The following LSAMP variants were observed in gnomAD, a reference collection of about 807,000 sequenced individuals.
The protein encoded by LSAMP is limbic system associated membrane protein, also known as limbic system-associated membrane protein.
A neutral mutation model predicts 38.6 loss-of-function variants in LSAMP; 7 were observed. The ratio of observed to expected loss-of-function variants is 0.18; its 90% CI spans 0.10 to 0.34. The LOEUF is 0.34. Ranked by LOEUF, LSAMP falls within the 10% of genes least tolerant of loss-of-function variation. The pLI is 1.00. For missense variants in LSAMP, 313 were observed against 420.0 expected (o/e 0.75, Z 2.23); for synonymous variants, 154 against 166.8 (o/e 0.92, Z 0.59).
At chr3:116,255,014 G>C (rs561474883) in intron 1 of LSAMP, among the ~76,000 whole-genome samples, 1 of 152,162 alleles carries the variant, frequency 6.6e-6, no homozygotes, top group Admixed American at 6.5e-5. Flanking sequence ...TTTGCTCTTT[G>C]GTCTTAATAT....
intron 1 of LSAMP, among the ~76,000 whole-genome samples, chr3:116,110,430 T>G (rs1708578981): frequency 6.6e-6 from 1 of 152,152 alleles, no homozygotes; most frequent in Admixed American, 6.5e-5. Flanking sequence ...GAGGCTTCCC[T>G]GCATTGATTA....
intron 1 of LSAMP, among the ~76,000 whole-genome samples, chr3:116,336,437 A>G (rs1056260757): frequency 6.6e-6 from 1 of 152,060 alleles, no homozygotes; most frequent in African/African-American, 2.4e-5. Context: ...CTTGATTCAA[A>G]AATGGGCAAC....
At chr3:116,382,703 G>A (rs1051874326) in intron 1 of LSAMP, among the ~76,000 whole-genome samples, 4 of 152,028 alleles carry the variant, frequency 2.6e-5, no homozygotes, top group African/African-American at 4.8e-5. Context: ...GGAGAAGTTT[G>A]CTGACCTCTG....
intron 1 of LSAMP, among the ~76,000 whole-genome samples, chr3:116,193,234 C>T (rs773941913): frequency 4.5e-4 from 68 of 152,156 alleles, no homozygotes; most frequent in Non-Finnish European, 8.7e-4. Flanking sequence ...GATAGTAAGG[C>T]GTCTTTTATC....
intron 6 of LSAMP, among the ~76,000 whole-genome samples, chr3:115,831,113 C>G (rs974254733): frequency 6.6e-6 from 1 of 152,114 alleles, no homozygotes; most frequent in Non-Finnish European, 1.5e-5. Flanking sequence ...TGCATTTTAT[C>G]AATGGAAAAA....
chr3:116,051,457 T>C (rs898528842), intron 2 of LSAMP, among the ~76,000 whole-genome samples: 2 of 152,190 alleles, frequency 1.3e-5, no homozygotes, highest in Non-Finnish European at 2.9e-5. Flanking sequence ...CATTCTCTCC[T>C]CCAAATGATT....
intron 3 of LSAMP, among the ~76,000 whole-genome samples, chr3:115,895,402 AG>A (rs1936703955): frequency 6.6e-6 from 1 of 152,090 alleles, no homozygotes; most frequent in Non-Finnish European, 1.5e-5. Flanking sequence ...ATTGGGAGCA[AG>A]GGTCTCCACA....
chr3:115,991,146 GA>G (rs1491239743), intron 3 of LSAMP, among the ~76,000 whole-genome samples: 1 of 151,724 alleles, frequency 6.6e-6, no homozygotes, highest in Non-Finnish European at 1.5e-5. Context: ...TACTTCCTTG[GA>G]AAAAAAGAAG....
intron 1 of LSAMP, among the ~76,000 whole-genome samples, chr3:116,380,495 G>A (rs981572142): frequency 2.6e-5 from 4 of 151,380 alleles, no homozygotes; most frequent in Non-Finnish European, 4.4e-5. Flanking sequence ...ACCCATTGTT[G>A]CCTGCCCACT....
At chr3:116,406,745 T>C (rs1309563626) in intron 1 of LSAMP, among the ~76,000 whole-genome samples, 1 of 151,656 alleles carries the variant, frequency 6.6e-6, no homozygotes, top group Non-Finnish European at 1.5e-5. Flanking sequence ...TAATAACAAG[T>C]AAAAACTAAA....
chr3:115,885,805 C>G (rs1936438805), intron 3 of LSAMP, among the ~76,000 whole-genome samples: 1 of 151,806 alleles, frequency 6.6e-6, no homozygotes, highest in African/African-American at 2.4e-5. Context: ...GGATCTGAAA[C>G]AGTACCACGG....
intron 2 of LSAMP, among the ~76,000 whole-genome samples, chr3:116,030,439 A>G (rs1940892592): frequency 6.6e-6 from 1 of 152,168 alleles, no homozygotes; most frequent in Admixed American, 6.6e-5. Context: ...GAAATCTCAT[A>G]TTCCCAGACT....
intron 3 of LSAMP, among the ~76,000 whole-genome samples, chr3:115,951,093 A>G (rs1347616203): frequency 6.6e-6 from 1 of 152,188 alleles, no homozygotes; most frequent in Non-Finnish European, 1.5e-5. Flanking sequence ...GAAACTGGAT[A>G]CTAATTTCTT....
At chr3:116,259,208 T>G (rs1253599568) in intron 1 of LSAMP, among the ~76,000 whole-genome samples, 1 of 152,150 alleles carries the variant, frequency 6.6e-6, no homozygotes, top group Admixed American at 6.6e-5. Flanking sequence ...ATGTCAGACT[T>G]AAAATGCCAA....
At chr3:116,421,543 T>A (rs199980652) in intron 1 of LSAMP, among the ~76,000 whole-genome samples, 3 of 136,454 alleles carry the variant, frequency 2.2e-5, no homozygotes, top group Non-Finnish European at 3.2e-5. Context: ...AGATTCTGTC[T>A]AAAAAAAAAA....
intron 2 of LSAMP, among the ~76,000 whole-genome samples, chr3:116,074,847 T>C (rs1707699846): frequency 6.7e-6 from 1 of 149,072 alleles, no homozygotes; most frequent in South Asian, 2.1e-4. Flanking sequence ...CTTTATTCTT[T>C]TTTTTTTTTT....
intron 1 of LSAMP, among the ~76,000 whole-genome samples, chr3:116,435,906 T>C (rs1161040393): frequency 6.6e-6 from 1 of 151,946 alleles, no homozygotes; most frequent in Non-Finnish European, 1.5e-5. Flanking sequence ...GTTTAGAAAC[T>C]CGGCTGTAGT....
chr3:116,036,356 T>G (rs1941045567), intron 2 of LSAMP, among the ~76,000 whole-genome samples: 1 of 152,152 alleles, frequency 6.6e-6, no homozygotes, highest in Non-Finnish European at 1.5e-5. Context: ...CATTTCTTCT[T>G]TATTTTCTGA....
At chr3:116,041,816 C>A (rs12497355) in intron 2 of LSAMP, among the ~76,000 whole-genome samples, 137,153 of 144,564 alleles carry the variant, frequency 0.95, 65,016 homozygotes, top group Non-Finnish European at 0.96. Context: ...CAAAACAAAA[C>A]AAAAAAAAAA....
Sources: gnomAD v4.1 joint callset for allele counts (sites outside exome capture counted in the v4.1 genomes callset) on GRCh38, gnomAD v4.1.1 for gene constraint, MANE v1.5 for transcripts, NCBI Gene and HGNC (gene_info 2026-07-23, HGNC 2026-07-21) for gene names.